The following CMTR1 variants were observed in gnomAD, a reference collection of about 807,000 sequenced individuals.
CMTR1 encodes the protein cap-specific mRNA (nucleoside-2'-O-)-methyltransferase 1.
CMTR1 carries 39 observed loss-of-function variants against 107.0 expected under a neutral mutation model. That is an observed-to-expected ratio of 0.36 (90% CI 0.28 to 0.48). The LOEUF is 0.48. Ranked by LOEUF, CMTR1 falls within the 20% of genes least tolerant of loss-of-function variation. The pLI, the probability that CMTR1 is intolerant of heterozygous loss-of-function variation, is 0.99. For missense variants in CMTR1, 672 were observed against 1,064.9 expected, an observed-to-expected ratio of 0.63 and a Z score of 5.14; for synonymous variants, 366 against 379.5, an observed-to-expected ratio of 0.96 and a Z score of 0.41.
chr6:37,448,533 C>G (rs1343508870), intron 4 of CMTR1, among the ~76,000 whole-genome samples: 1 of 152,126 alleles, frequency 6.6e-6, no homozygotes. Context: ...ATAGATTTGA[C>G]CAGGAGAAGA....
chr6:37,453,257 C>T lies in CMTR1; in HGVS notation c.722C>T (p.Ala241Val). Residue 241 changes from alanine (A) to valine (V), a missense_variant, in exon 8 of 24, where the codon GCT becomes GTT. Ala to Val is a moderately conservative substitution (Grantham distance 64). Transcript: ENST00000373451. Reference protein sequence around the residue: ...FFLNRAAMKMANMDFVFDRMF... With the variant: ...FFLNRAAMKMVNMDFVFDRMF... ...TATTGCAGGGCAGCAATGAAGATGG[C>T]TAACATGGATTTTGTATTTGATCGC... 1 of 1,614,196 alleles carries T rather than the reference C, an allele frequency of 6.2e-7. No individual in the cohort carries two copies. The highest frequency in any genetic ancestry group is 8.5e-7 in the Non-Finnish European group (1 of 1,180,028).
At chr6:37,433,013 G>C (rs1289839748), upstream of CMTR1, among the ~76,000 whole-genome samples, 1 of 152,232 alleles carries the variant, frequency 6.6e-6, no homozygotes, top group Admixed American at 6.5e-5. Flanking sequence ...TTTTTGTATT[G>C]GTTTCTCTTC....
intron 10 of CMTR1, among the ~76,000 whole-genome samples, chr6:37,460,390 AG>A (rs1018838347): frequency 1.3e-5 from 2 of 152,160 alleles, no homozygotes; most frequent in African/African-American, 4.8e-5. Context: ...GCTGGCTGTG[AG>A]GGAGGGGCTG....
Position 37,476,208 on chromosome 6 carries a change from C to G in CMTR1, c.2105+14C>G. Reference sequence around the variant, plus strand: ...GAATCCCATCAGGTGAGCATGTGGTCCCTACCCTCCATGCTTCTTTCTGGC... The same window carrying G: ...GAATCCCATCAGGTGAGCATGTGGTGCCTACCCTCCATGCTTCTTTCTGGC... On this transcript the variant is annotated intron_variant, in intron 20 of 23. Transcript: ENST00000373451. 1.2e-6 allele frequency: 2 copies of G among 1,613,204 alleles called. No homozygotes were observed. The highest frequency in any genetic ancestry group is 1.7e-6 in the Non-Finnish European group (2 of 1,179,220).
chr6:37,473,947 G>GCCATC (rs1257411732), intron 17 of CMTR1, among the ~76,000 whole-genome samples: 2 of 152,144 alleles, frequency 1.3e-5, no homozygotes, highest in African/African-American at 4.8e-5. Flanking sequence ...ACCACCCCAT[G>GCCATC]CCATCCCATC....
rs1021168180 is a variant in CMTR1 at position 37,438,964 on chromosome 6, A to C, written c.133+3202A>C. The stretch of plus-strand genomic sequence containing the variant: ...ATAATGTTCAGGTAGATGATTGAAA[A>C]ATGCTCTTTAGGGAGGACAATTAGA... On this transcript the variant is annotated intron_variant, in intron 2 of 23. Coordinates refer to ENST00000373451, the MANE Select transcript of CMTR1 (RefSeq NM_015050.3). 2.0e-5 allele frequency among the ~76,000 whole-genome samples: 3 copies of C among 152,292 alleles called. No individual in the cohort carries two copies. The South Asian group carries it at 6.2e-4, about 32-fold the overall frequency.
intron 17 of CMTR1, 24 bp from the exon 18 acceptor site, chr6:37,474,500 C>T (rs377475544): frequency 6.2e-7 from 1 of 1,613,098 alleles, no homozygotes; most frequent in Non-Finnish European, 8.5e-7. Context: ...CCTTCCTTAC[C>T]TGGCTGTTTC....
intron 13 of CMTR1, among the ~76,000 whole-genome samples, chr6:37,465,180 A>AT (rs1761482376): frequency 6.6e-6 from 1 of 151,920 alleles, no homozygotes; most frequent in Admixed American, 6.6e-5. Flanking sequence ...AGGCAGGAGA[A>AT]TCGCTTGAAC....
chr6:37,480,366 C>G lies in CMTR1; in HGVS notation c.*221C>G. 2 of 1,350,484 alleles carry G rather than the reference C, an allele frequency of 1.5e-6. No homozygotes were observed. The highest frequency in any genetic ancestry group is 1.9e-6 in the Non-Finnish European group (2 of 1,060,508). 83.7% of individuals were successfully genotyped at this position (1,350,484 alleles called of 1,614,324 possible). A position where few individuals can be genotyped will look rare whatever the true frequency, so the allele number is the denominator to read the frequency against. On this transcript the variant is annotated 3_prime_UTR_variant, in exon 24 of 24. Transcript: ENST00000373451. ...TCTGGGACACCTGCCTGGGAACTTTCCCCTGCCAGGACTCAGCCTGAAGGA... is the reference window on the plus strand; with the variant it reads ...TCTGGGACACCTGCCTGGGAACTTTGCCCTGCCAGGACTCAGCCTGAAGGA...
intron 10 of CMTR1, among the ~76,000 whole-genome samples, chr6:37,460,941 A>G (rs1365949366): frequency 6.6e-5 from 10 of 152,164 alleles, no homozygotes; most frequent in Non-Finnish European, 1.2e-4. Flanking sequence ...CACTCTAGAA[A>G]TAGCATCACA....
intron 22 of CMTR1, 78 bp from the exon 23 acceptor site, chr6:37,479,069 A>G: frequency 1.0e-6 from 1 of 956,700 alleles, no homozygotes; most frequent in South Asian, 1.4e-5. Flanking sequence ...GACCACCGGG[A>G]GTGGAGGAAG....
Position 37,446,528 on chromosome 6 carries a change from A to G in CMTR1, c.444+79A>G, listed in dbSNP as rs150916584. The G allele has an allele frequency of 6.2e-4, 929 of 1,505,808 alleles. 5 individuals carry two copies. In the African/African-American group the frequency reaches 0.011, roughly 19 times the overall value. 93.3% of individuals were successfully genotyped at this position (1,505,808 alleles called of 1,614,324 possible). On this transcript the variant is annotated intron_variant, in intron 4 of 23. Transcript: ENST00000373451. ...TGGCTTTAAGAAGCCATATCAACAA[A>G]CTAGAAATCTCCAGAGGCAGTATGA...
At chr6:37,463,903 A>C (rs1285756131) in intron 13 of CMTR1, among the ~76,000 whole-genome samples, 2 of 152,190 alleles carry the variant, frequency 1.3e-5, no homozygotes, top group Admixed American at 1.3e-4. Flanking sequence ...TGAGGAAGCA[A>C]ACAGGCCCAG....
chr6:37,424,247 CTT>C, the CMTR1 span, among the ~76,000 whole-genome samples: 97 of 142,882 alleles, frequency 6.8e-4, 1 homozygote, highest in Admixed American at 1.1e-3. Flanking sequence ...CTTTTTCTTT[CTT>C]TTTTTTTTTT....
At chr6:37,442,248 T>C (rs1478488578) in intron 2 of CMTR1, among the ~76,000 whole-genome samples, 2 of 152,234 alleles carry the variant, frequency 1.3e-5, no homozygotes, top group Non-Finnish European at 2.9e-5. Flanking sequence ...CTATGACAGA[T>C]GTCCTAATTC....
In CMTR1 at chr6:37,472,180, C is replaced by T. The variant is rs1256692616; in HGVS notation, c.1621-239C>T. ...TTTTGCAACTGGTGGCCCCTTGTAG[C>T]AGCACTGACAACAGAGAGCCCCAGA... On this transcript the variant is annotated intron_variant, in intron 15 of 23. Transcript: ENST00000373451. The surrounding 1 kb of genome is among the most constrained non-coding windows in gnomAD (Gnocchi z 4.1). Among the ~76,000 whole-genome samples, 1 of 152,118 alleles carries T rather than the reference C, an allele frequency of 6.6e-6. No individual in the cohort carries two copies. Among genetic ancestry groups the T allele is most frequent in the Admixed American group, 6.5e-5 (1 of 15,276 alleles).
intron 2 of CMTR1, among the ~76,000 whole-genome samples, chr6:37,443,459 A>G (rs1264814892): frequency 6.6e-6 from 1 of 151,958 alleles, no homozygotes; most frequent in Non-Finnish European, 1.5e-5. Context: ...GGTTCAAGCA[A>G]TTCTCCTGCC....
intron 2 of CMTR1, among the ~76,000 whole-genome samples, chr6:37,436,928 T>C (rs1012320581): frequency 6.6e-6 from 1 of 151,998 alleles, no homozygotes; most frequent in Admixed American, 6.6e-5. Context: ...CCTTTGAAGG[T>C]AGTAGGAAAT....
chr6:37,451,339 A>G (rs1761168109), intron 5 of CMTR1, among the ~76,000 whole-genome samples: 1 of 152,162 alleles, frequency 6.6e-6, no homozygotes, highest in Non-Finnish European at 1.5e-5. Flanking sequence ...GTTGCACTTG[A>G]TATCCCTGTG....
Sources: gnomAD v4.1 joint callset for allele counts (sites outside exome capture counted in the v4.1 genomes callset) on GRCh38, gnomAD v4.1.1 for gene constraint, Gnocchi (gnomAD v3.1) non-coding constraint, MANE v1.5 for transcripts, NCBI Gene and HGNC (gene_info 2026-07-23, HGNC 2026-07-21) for gene names.